The following EED variants were observed in gnomAD, a reference collection of about 807,000 sequenced individuals.
The protein encoded by EED is polycomb protein EED.
In EED, 9 loss-of-function variants were observed where a neutral mutation model predicts 61.0. The ratio of observed to expected loss-of-function variants is 0.15; its 90% CI spans 0.09 to 0.26. The LOEUF (loss-of-function observed/expected upper bound fraction) is 0.26. EED is among the 10% of genes least tolerant of loss of function. The pLI is 1.00. For missense variants in EED, 315 were observed against 542.3 expected (o/e 0.58, Z 4.16); for synonymous variants, 187 against 174.4 (o/e 1.07, Z -0.57).
intron 6 of EED, 83 bp from the exon 7 acceptor site, chr11:86,264,089 C>T: frequency 9.3e-7 from 1 of 1,070,348 alleles, no homozygotes; most frequent in Non-Finnish European, 1.4e-6. Flanking sequence ...TACATCTAGA[C>T]TTTAGTAGTT....
At chr11:86,277,198 A>C in intron 10 of EED, 60 bp downstream of exon 10, 1 of 1,450,402 alleles carries the variant, frequency 6.9e-7, no homozygotes, top group Non-Finnish European at 9.3e-7. Context: ...TTGTAATTCT[A>C]GCTTTTTCTG....
chr11:86,264,314 C>A, intron 7 of EED, 51 bp downstream of exon 7: 1 of 1,333,878 alleles, frequency 7.5e-7, no homozygotes, highest in Non-Finnish European at 1.1e-6. Flanking sequence ...TAGCTGTGAA[C>A]AGTCTCCATG....
chr11:86,250,916 A>C (rs1945515695), intron 2 of EED, among the ~76,000 whole-genome samples: 1 of 152,076 alleles, frequency 6.6e-6, no homozygotes, highest in Admixed American at 6.5e-5. Flanking sequence ...AGGTGTAAAA[A>C]ATTTTTAAAC....
At position 86,262,672 on chromosome 11, in the gene EED, C is replaced by T. The variant is rs570347106; in HGVS notation, c.635-1500C>T. The stretch of plus-strand genomic sequence containing the variant: ...ACTACAGGCACATGCCACCACACCC[C>T]GCTAGTTTTTGTATTTTTTGTAGAG... On this transcript the variant is annotated intron_variant, in intron 6 of 11. Transcript: ENST00000263360. Among the ~76,000 whole-genome samples, 21 of 151,894 alleles carry T rather than the reference C, an allele frequency of 1.4e-4. No individual in the cohort carries two copies. In the South Asian group the frequency reaches 1.5e-3, roughly 11 times the overall value.
At chr11:86,273,940 C>T (rs540371583) in intron 9 of EED, among the ~76,000 whole-genome samples, 1 of 152,306 alleles carries the variant, frequency 6.6e-6, no homozygotes, top group Admixed American at 6.5e-5. Flanking sequence ...GGTTCACTGA[C>T]ATTCTTGAAG....
At chr11:86,262,576 G>A (rs1033347524) in intron 6 of EED, among the ~76,000 whole-genome samples, 1 of 151,990 alleles carries the variant, frequency 6.6e-6, no homozygotes, top group Non-Finnish European at 1.5e-5. Flanking sequence ...AGACGATTCA[G>A]CATGAAGGCC....
intron 1 of EED, among the ~76,000 whole-genome samples, chr11:86,246,070 T>G (rs2138117181): frequency 6.6e-6 from 1 of 152,360 alleles, no homozygotes; most frequent in South Asian, 2.1e-4. Context: ...TATTTAAGTG[T>G]GGGTTCCTGG....
In EED at chr11:86,245,024, C is replaced by T. The variant is rs986132523; in HGVS notation, c.-206C>T. On this transcript the variant is annotated 5_prime_UTR_variant, in exon 1 of 12. Transcript: ENST00000263360. ...AGCCAGGAAGCCGCGCGGGAGGGCG[C>T]GCGCGCGCGCCCCTTTTTCAGCAGT... 1 of 469,628 alleles carries T rather than the reference C, an allele frequency of 2.1e-6. No individual in the cohort carries two copies. The highest frequency in any genetic ancestry group is 3.8e-6 in the Non-Finnish European group (1 of 264,180). The allele number at this position is 469,628 out of a possible 1,614,324, so 29.1% of individuals were successfully genotyped here.
chr11:86,259,825 C>T (rs1295375809), intron 6 of EED, among the ~76,000 whole-genome samples: 1 of 152,172 alleles, frequency 6.6e-6, no homozygotes, highest in African/African-American at 2.4e-5. Flanking sequence ...CTTAGGGTGG[C>T]TGTAATAAAA....
intron 6 of EED, among the ~76,000 whole-genome samples, chr11:86,262,975 C>T (rs1320095239): frequency 2.0e-5 from 3 of 152,074 alleles, no homozygotes; most frequent in African/African-American, 7.2e-5. Context: ...CCACACCTGG[C>T]TAATTTATTT....
intron 6 of EED, among the ~76,000 whole-genome samples, chr11:86,260,063 G>A (rs1451662895): frequency 1.3e-5 from 2 of 152,134 alleles, no homozygotes; most frequent in African/African-American, 2.4e-5. Context: ...CCATACAAAA[G>A]CTTGTACAAA....
chr11:86,268,603 G>C, intron 9 of EED, 42 bp downstream of exon 9: 1 of 1,096,042 alleles, frequency 9.1e-7, no homozygotes, highest in East Asian at 2.6e-5. Context: ...TCGTGTGTGT[G>C]TGTGTGTGTG....
chr11:86,283,375 C>G (rs1266898946), downstream of EED, among the ~76,000 whole-genome samples: 1 of 152,214 alleles, frequency 6.6e-6, no homozygotes, highest in Non-Finnish European at 1.5e-5. Context: ...TCTCCTTCCT[C>G]TCTGTACTTT....
chr11:86,260,142 A>G (rs1261253470), intron 6 of EED, among the ~76,000 whole-genome samples: 1 of 152,238 alleles, frequency 6.6e-6, no homozygotes, highest in Non-Finnish European at 1.5e-5. Flanking sequence ...TGGGGTGTTT[A>G]TGTGATGCAT....
At chr11:86,264,311 G>A in intron 7 of EED, 48 bp downstream of exon 7, 4 of 1,359,716 alleles carry the variant, frequency 2.9e-6, no homozygotes, top group Non-Finnish European at 4.2e-6. Flanking sequence ...ACATAGCTGT[G>A]AACAGTCTCC....
At chr11:86,281,083 G>T (rs1446375816), downstream of EED, among the ~76,000 whole-genome samples, 1 of 152,124 alleles carries the variant, frequency 6.6e-6, no homozygotes, top group African/African-American at 2.4e-5. Flanking sequence ...TTATTTTGTT[G>T]AGTGTTTTTG....
intron 6 of EED, among the ~76,000 whole-genome samples, chr11:86,262,230 T>C (rs1945851217): frequency 6.6e-6 from 1 of 152,122 alleles, no homozygotes; most frequent in Non-Finnish European, 1.5e-5. Flanking sequence ...TAAATGTTTC[T>C]GTTTTGCTTT....
In EED at chr11:86,272,565, T is replaced by A. The variant is rs142111032; in HGVS notation, c.966+4004T>A. ...TTCTATATCCTTGTTCGGTGTCTAC[T>A]GTTTTATCAACTATTGAGAGACAGG... On this transcript the variant is annotated intron_variant, in intron 9 of 11. Transcript: ENST00000263360. Among the ~76,000 whole-genome samples the A allele has an allele frequency of 6.6e-5, 10 of 152,368 alleles. No individual in the cohort carries two copies. The East Asian group carries it at 1.9e-3, about 29-fold the overall frequency.
At chr11:86,284,320 C>T in the EED span, 5 of 152,308 alleles carry the variant, frequency 3.3e-5, no homozygotes, top group South Asian at 2.1e-4. Context: ...GGGCCTGACA[C>T]GATGTAAACT....
Sources: gnomAD v4.1 joint callset for allele counts (sites outside exome capture counted in the v4.1 genomes callset) on GRCh38, gnomAD v4.1.1 for gene constraint, MANE v1.5 for transcripts, NCBI Gene and HGNC (gene_info 2026-07-23, HGNC 2026-07-21) for gene names.